TAF3: variants seen among roughly 807,000 people sequenced by gnomAD.
TAF3 encodes the protein transcription initiation factor TFIID subunit 3.
In TAF3, 7 loss-of-function variants were observed where a neutral mutation model predicts 80.6. The observed-to-expected ratio is 0.09, with a 90% CI of 0.05 to 0.16. The LOEUF is 0.16. TAF3 is among the 10% of genes least tolerant of loss of function. The pLI, the probability that TAF3 is intolerant of heterozygous loss-of-function variation, is 1.00. For synonymous variants in TAF3, 444 were observed against 446.1 expected, an observed-to-expected ratio of 1.00 and a Z score of 0.06; for missense variants, 921 against 1,140.2, an observed-to-expected ratio of 0.81 and a Z score of 2.77.
intron 2 of TAF3, among the ~76,000 whole-genome samples, chr10:7,908,016 T>G (rs1449830621): frequency 6.6e-6 from 1 of 152,220 alleles, no homozygotes; most frequent in Non-Finnish European, 1.5e-5. Flanking sequence ...TGGTGCAGAT[T>G]TGCTCAGCAG....
At chr10:7,895,093 G>C (rs1837493029) in intron 2 of TAF3, among the ~76,000 whole-genome samples, 1 of 152,140 alleles carries the variant, frequency 6.6e-6, no homozygotes, top group Non-Finnish European at 1.5e-5. Flanking sequence ...CCAGGCTCCT[G>C]ACCTTGGGTG....
At chr10:7,973,866 A>T (rs1293282984) in intron 3 of TAF3, among the ~76,000 whole-genome samples, 1 of 152,190 alleles carries the variant, frequency 6.6e-6, no homozygotes, top group Admixed American at 6.5e-5. Context: ...ACGGTGGCTC[A>T]CGCCTGTTAT....
At chr10:7,824,843 A>G (rs754046333) in intron 2 of TAF3, among the ~76,000 whole-genome samples, 4 of 152,254 alleles carry the variant, frequency 2.6e-5, no homozygotes, top group African/African-American at 9.6e-5. Context: ...CAGCCCTATT[A>G]TATGAGAATG....
intron 3 of TAF3, among the ~76,000 whole-genome samples, chr10:7,972,941 T>G (rs1220665345): frequency 2.6e-5 from 4 of 152,192 alleles, no homozygotes; most frequent in Non-Finnish European, 4.4e-5. Flanking sequence ...AATAGCTCCA[T>G]GTAAGCCATC....
In TAF3 at chr10:7,893,460, C is replaced by T. The variant is rs74123643; in HGVS notation, c.409+68900C>T. Among the ~76,000 whole-genome samples, 1,154 of 152,292 alleles carry T rather than the reference C, an allele frequency of 7.6e-3. 12 individuals are homozygous for T. Among genetic ancestry groups the T allele is most frequent in the African/African-American group, 0.026 (1,083 of 41,550 alleles). The stretch of plus-strand genomic sequence containing the variant: ...TGTAAATTTCTGCAAGTTCTGTCTA[C>T]GTCGTGACCCATCAGAATCCCTTAT... On this transcript the variant is annotated intron_variant, in intron 2 of 6. Coordinates refer to ENST00000344293, the MANE Select transcript of TAF3 (RefSeq NM_031923.4).
chr10:7,870,009 G>A (rs1837249755), intron 2 of TAF3, among the ~76,000 whole-genome samples: 1 of 152,056 alleles, frequency 6.6e-6, no homozygotes, highest in Non-Finnish European at 1.5e-5. Flanking sequence ...TATTTTTAGG[G>A]ATTTCAGGTG....
At chr10:7,932,743 T>C (rs1243747278) in intron 2 of TAF3, among the ~76,000 whole-genome samples, 1 of 140,746 alleles carries the variant, frequency 7.1e-6, no homozygotes, top group African/African-American at 2.7e-5. Flanking sequence ...AGTGGCACAG[T>C]CGTGGCTGAC....
At chr10:7,912,915 G>A (rs1468630190) in intron 2 of TAF3, among the ~76,000 whole-genome samples, 4 of 152,148 alleles carry the variant, frequency 2.6e-5, no homozygotes, top group East Asian at 3.8e-4. Flanking sequence ...TGCTCGGGCT[G>A]CCATCACAAA....
intron 2 of TAF3, among the ~76,000 whole-genome samples, chr10:7,825,582 G>A (rs945599712): frequency 2.1e-5 from 3 of 146,154 alleles, no homozygotes; most frequent in African/African-American, 7.4e-5. Flanking sequence ...AAATGGACTT[G>A]GACATTATTT....
chr10:7,965,640 AAAG>A lies in TAF3; in HGVS notation c.2134_2136del (p.Lys712del). ...AAAAGGACAAAAAGGAGAAGAAGAA[AAAG>A]AAGGAAAAAGAGAAGGAGAAGAAGG... On this transcript the variant is annotated inframe_deletion, in exon 3 of 7. Transcript: ENST00000344293. The A allele has an allele frequency of 1.2e-6, 2 of 1,603,804 alleles. No homozygotes were observed. The highest frequency in any genetic ancestry group is 1.1e-5 in the South Asian group (1 of 88,254).
chr10:7,897,446 C>G (rs1244867205), intron 2 of TAF3, among the ~76,000 whole-genome samples: 1 of 152,132 alleles, frequency 6.6e-6, no homozygotes, highest in East Asian at 1.9e-4. Context: ...TCAGAGTTTT[C>G]TCTCTAGCAA....
chr10:7,844,945 A>G (rs1836954976), intron 2 of TAF3, among the ~76,000 whole-genome samples: 1 of 152,182 alleles, frequency 6.6e-6, no homozygotes, highest in African/African-American at 2.4e-5. Flanking sequence ...GTTGCATCAA[A>G]TATCTTTGCA....
intron 2 of TAF3, among the ~76,000 whole-genome samples, chr10:7,953,703 A>G (rs890317758): frequency 1.3e-5 from 2 of 152,222 alleles, no homozygotes; most frequent in African/African-American, 2.4e-5. Flanking sequence ...AGGACAGCCA[A>G]TCATGTCTTA....
chr10:7,884,674 C>T lies in TAF3; in HGVS notation c.409+60114C>T, dbSNP rs564643692. 8.5e-5 allele frequency among the ~76,000 whole-genome samples: 13 copies of T among 152,232 alleles called. 1 individual carries two copies. Among genetic ancestry groups the T allele is most frequent in the East Asian group, 1.9e-4 (1 of 5,166 alleles). On this transcript the variant is annotated intron_variant, in intron 2 of 6. Transcript: ENST00000344293. ...AAGTGCTGGGATTACAGGCGTGCGC[C>T]GCTGCGCCTGGCCTGCCTCCTTTTT...
chr10:7,834,309 T>C (rs1171953314), intron 2 of TAF3, among the ~76,000 whole-genome samples: 1 of 152,240 alleles, frequency 6.6e-6, no homozygotes, highest in Non-Finnish European at 1.5e-5. Flanking sequence ...CCCTATGTTT[T>C]CTTTTAGCAG....
chr10:7,897,502 A>T (rs1341828253), intron 2 of TAF3, among the ~76,000 whole-genome samples: 1 of 152,024 alleles, frequency 6.6e-6, no homozygotes, highest in Non-Finnish European at 1.5e-5. Context: ...TTTCACTGTG[A>T]TTTGCCTTCA....
intron 2 of TAF3, among the ~76,000 whole-genome samples, chr10:7,948,278 C>T (rs1838046683): frequency 7.2e-6 from 1 of 139,286 alleles, no homozygotes; most frequent in African/African-American, 2.7e-5. Flanking sequence ...TTTTTAGAGA[C>T]AAGATCTTTC....
chr10:7,837,341 C>CAAA (rs79016748), intron 2 of TAF3, among the ~76,000 whole-genome samples: 15 of 90,088 alleles, frequency 1.7e-4, no homozygotes, highest in South Asian at 6.5e-4. Flanking sequence ...CCAGTCTGGG[C>CAAA]AAAAAAAAAA....
chr10:7,831,370 G>C (rs932470775), intron 2 of TAF3, among the ~76,000 whole-genome samples: 1 of 151,492 alleles, frequency 6.6e-6, no homozygotes. Flanking sequence ...TTTTGAGATG[G>C]AGTCTCACTC....
Sources: gnomAD v4.1 joint callset for allele counts (sites outside exome capture counted in the v4.1 genomes callset) on GRCh38, gnomAD v4.1.1 for gene constraint, MANE v1.5 for transcripts, NCBI Gene and HGNC (gene_info 2026-07-23, HGNC 2026-07-21) for gene names.